Variants in ZNF512B observed in about 807,000 individuals in gnomAD.
ZNF512B encodes the protein zinc finger protein 512B.
In ZNF512B, 22 loss-of-function variants were observed where a neutral mutation model predicts 87.8. The ratio of observed to expected loss-of-function variants is 0.25; its 90% CI spans 0.18 to 0.36. The LOEUF is 0.36. Ranked by LOEUF, ZNF512B falls within the 10% of genes least tolerant of loss-of-function variation. The pLI is 1.00. For missense variants in ZNF512B, 1,060 were observed against 1,231.6 expected (o/e 0.86, Z 2.09); for synonymous variants, 524 against 490.9 (o/e 1.07, Z -0.89).
rs934800401 is a variant in ZNF512B at position 63,957,739 on chromosome 20, A to G, written c.*2149T>C. The G allele has an allele frequency of 2.0e-5, 3 of 152,188 alleles. No homozygotes were observed. Among genetic ancestry groups the G allele is most frequent in the African/African-American group, 7.3e-5 (3 of 41,340 alleles). The allele number at this position is 152,188 out of a possible 1,614,324, so 9.4% of individuals were successfully genotyped here. On this transcript the variant is annotated 3_prime_UTR_variant, in exon 17 of 17. Transcript: ENST00000369888. Reference sequence around the variant, plus strand: ...CCTGAGAGGCTGGGGCAGGCACCACACCCTGCAGGTGTTCAGGTCCACCCT... The same window carrying G: ...CCTGAGAGGCTGGGGCAGGCACCACGCCCTGCAGGTGTTCAGGTCCACCCT...
At position 63,961,476 on chromosome 20, in the gene ZNF512B, T is replaced by C. The variant is rs1048988591; in HGVS notation, c.2329-69A>G. 1 of 1,450,770 alleles carries C rather than the reference T, an allele frequency of 6.9e-7. No individual in the cohort carries two copies. The highest frequency in any genetic ancestry group is 9.6e-7 in the Non-Finnish European group (1 of 1,043,544). The allele number at this position is 1,450,770 out of a possible 1,614,324, so 89.9% of individuals were successfully genotyped here. On this transcript the variant is annotated intron_variant, in intron 15 of 16. Transcript: ENST00000369888. This position sits in a 1 kb window ranked among gnomAD's most constrained non-coding sequence, Gnocchi z 6.4. ...CAGATCTGTCCTAAGCCCCTACTCA[T>C]GGCTAAAGGGTCAGAGTCAGCGGTG...
rs1311817957 is a variant in ZNF512B, at chr20:63,964,178, G to T, written c.1373C>A (p.Ser458Tyr). The change falls in exon 8 of 17, where the codon TCC (serine) becomes TAC (tyrosine). Residue 458 changes from serine (S) to tyrosine (Y), a missense_variant. Physicochemically the swap from Ser to Tyr is moderately radical, Grantham distance 144. Transcript: ENST00000369888. ...AGGGCCTGGCCCCTCCTGCTTCTTG[G>T]AGCGGTGAACTCGGGCCTTGTCCTC... is the stretch of plus-strand genomic sequence containing the variant. ...KAEDKARVHRSKKQEGPGPED... is the reference protein window; with the variant it reads ...KAEDKARVHRYKKQEGPGPED... 4.4e-6 allele frequency: 7 copies of T among 1,599,140 alleles called. No individual in the cohort carries two copies. Among genetic ancestry groups the T allele is most frequent in the Non-Finnish European group, 5.1e-6 (6 of 1,173,588 alleles).
At chr20:63,963,569 G>C (rs1182827782) in intron 10 of ZNF512B, 49 bp downstream of exon 10, 1 of 1,606,026 alleles carries the variant, frequency 6.2e-7, no homozygotes, top group Non-Finnish European at 8.5e-7. Flanking sequence ...TGAAGGTGGG[G>C]TGCGAGGTCA....
chr20:63,967,141 G>T, intron 3 of ZNF512B, 137 bp from the exon 4 acceptor site: 1 of 1,389,134 alleles, frequency 7.2e-7, no homozygotes, highest in East Asian at 2.4e-5. Flanking sequence ...ACTGCAGTGG[G>T]AATTCAAGCC....
At chr20:63,968,906 T>C (rs2058953788) in intron 1 of ZNF512B, among the ~76,000 whole-genome samples, 1 of 152,238 alleles carries the variant, frequency 6.6e-6, no homozygotes, top group South Asian at 2.1e-4. Context: ...GGCCCAGCCC[T>C]GTGGAAAAGC....
chr20:63,963,885 G>C lies in ZNF512B; in HGVS notation c.1509C>G (p.Ala503=), dbSNP rs755878622. The change falls in exon 9 of 17, where the codon GCC becomes GCG. Residue 503 remains alanine, a synonymous_variant. Coordinates refer to ENST00000369888, the MANE Select transcript of ZNF512B (RefSeq NM_020713.3). ...PGGPEEQWQR[A]IHERGEAVCP... ...AGACGGCTTCCCCGCGCTCATGGAT[G>C]GCCCTCTGCCACTGCTCTTCAGGGC... 1 of 1,611,704 alleles carries C rather than the reference G, an allele frequency of 6.2e-7. No individual in the cohort carries two copies. The highest frequency in any genetic ancestry group is 1.3e-5 in the African/African-American group (1 of 74,952).
Position 63,963,788 on chromosome 20 carries a change from C to T in ZNF512B, c.1605+1G>A, listed in dbSNP as rs2058886673. 6.2e-7 allele frequency: 1 copy of T among 1,612,870 alleles called. No homozygotes were observed. The highest frequency in any genetic ancestry group is 1.3e-5 in the African/African-American group (1 of 74,942). On this transcript the variant is annotated splice_donor_variant, in intron 9 of 16. Coordinates refer to ENST00000369888, the MANE Select transcript of ZNF512B (RefSeq NM_020713.3). LOFTEE classifies it high-confidence loss of function. ...CCAGCGCCTTCCGGGAGCTGCCTTA[C>T]CTTCTGACACACCTCCATGTGCTTC...
At position 63,958,455 on chromosome 20, in the gene ZNF512B, C is replaced by CA; in HGVS notation, c.*1432dup. The CA allele has an allele frequency of 6.6e-6, 1 of 152,554 alleles. No individual in the cohort carries two copies. Among genetic ancestry groups the CA allele is most frequent in the Middle Eastern group, 3.4e-3 (1 of 294 alleles). 9.5% of individuals were successfully genotyped at this position (152,554 alleles called of 1,614,324 possible). A position where few individuals can be genotyped will look rare whatever the true frequency, so the allele number is the denominator to read the frequency against. ...ACTGGCATCCACTACACCCAGGAGA[C>CA]ACACGCACACGGGCAAACATCAAAA... is the stretch of plus-strand genomic sequence containing the variant. On this transcript the variant is annotated 3_prime_UTR_variant, in exon 17 of 17. Transcript: ENST00000369888.
chr20:63,962,769 G>A lies in ZNF512B; in HGVS notation c.1981C>T (p.Pro661Ser), dbSNP rs1569195072. ...TCAGCCTCAGGGGACTTGTCTGTGG[G>A]CTCCTCAGGGGGCTGGAGGGCAGGA... ...SEHTAPPPEE[P>S]TDKSPEAEDP... The change falls in exon 13 of 17, where the codon CCC becomes TCC. Residue 661 changes from proline to serine, a missense_variant. This residue lies in a region of ZNF512B where 165 missense variants were observed against 173.0 expected (regional missense o/e 0.95). Transcript: ENST00000369888. 2 of 1,599,788 alleles carry A rather than the reference G, an allele frequency of 1.3e-6. No homozygotes were observed. Among genetic ancestry groups the A allele is most frequent in the Middle Eastern group, 1.8e-4 (1 of 5,446 alleles).
At position 63,969,893 on chromosome 20, in the gene ZNF512B, C is replaced by G. The variant is rs1427235960; in HGVS notation, c.-82G>C. On this transcript the variant is annotated 5_prime_UTR_variant, in exon 1 of 17. Coordinates refer to ENST00000369888, the MANE Select transcript of ZNF512B (RefSeq NM_020713.3). ...CGGGGCGCGGGGCGCTGGGTCCGGG[C>G]GGCGCAGGCTGCGCGCCGCGCTGCG... 1.4e-5 allele frequency: 2 copies of G among 145,788 alleles called. No individual in the cohort carries two copies. Among genetic ancestry groups the G allele is most frequent in the Admixed American group, 6.8e-5 (1 of 14,732 alleles). 9.0% of individuals were successfully genotyped at this position (145,788 alleles called of 1,614,324 possible). A position where few individuals can be genotyped will look rare whatever the true frequency, so the allele number is the denominator to read the frequency against.
Position 63,959,773 on chromosome 20 carries a change from T to C in ZNF512B, c.*115A>G. 7.2e-7 allele frequency: 1 copy of C among 1,383,648 alleles called. No individual in the cohort carries two copies. The highest frequency in any genetic ancestry group is 9.4e-7 in the Non-Finnish European group (1 of 1,062,164). The allele number at this position is 1,383,648 out of a possible 1,614,324, so 85.7% of individuals were successfully genotyped here. A position where few individuals can be genotyped will look rare whatever the true frequency, so the allele number is the denominator to read the frequency against. On this transcript the variant is annotated 3_prime_UTR_variant, in exon 17 of 17. Transcript: ENST00000369888. ...GTGGCTGGCTGCCCCACTGGACGGATGAAGAGGCGGGGGTGGGGGATGGAG... is the reference window on the plus strand; with the variant it reads ...GTGGCTGGCTGCCCCACTGGACGGACGAAGAGGCGGGGGTGGGGGATGGAG...
chr20:63,967,127 C>A, intron 3 of ZNF512B, 123 bp from the exon 4 acceptor site: 1 of 1,460,110 alleles, frequency 6.8e-7, no homozygotes, highest in South Asian at 1.3e-5. Context: ...CCCTCAACCT[C>A]GGGACTGCAG....
In ZNF512B at chr20:63,967,860, G is replaced by A; in HGVS notation, c.91C>T (p.Leu31Phe). Residue 31 changes from leucine to phenylalanine, a missense_variant, in exon 2 of 17, where the codon CTT (leucine) becomes TTT (phenylalanine). Coordinates refer to ENST00000369888, the MANE Select transcript of ZNF512B (RefSeq NM_020713.3). ...GKDGSRKEVR[L>F]PMLHDPPKMG... Reference sequence around the variant, plus strand: ...TTCGGTGGGTCATGCAGCATTGGAAGTCGGACCTCCTTTCGGCTGCCATCC... The same window carrying A: ...TTCGGTGGGTCATGCAGCATTGGAAATCGGACCTCCTTTCGGCTGCCATCC... 6.2e-7 allele frequency: 1 copy of A among 1,613,406 alleles called. No homozygotes were observed. The highest frequency in any genetic ancestry group is 1.7e-5 in the Admixed American group (1 of 60,012).
rs2058943915 is a variant in ZNF512B at position 63,967,878 on chromosome 20, T to G, written c.73A>C (p.Ser25Arg). 3 of 1,613,340 alleles carry G rather than the reference T, an allele frequency of 1.9e-6. No homozygotes were observed. The highest frequency in any genetic ancestry group is 1.7e-6 in the Non-Finnish European group (2 of 1,179,858). ...SSKSGPGKDGSRKEVRLPMLH... is the reference protein window; with the variant it reads ...SSKSGPGKDGRRKEVRLPMLH... ...ATTGGAAGTCGGACCTCCTTTCGGC[T>G]GCCATCCTTCCCGGGACCACTCTTG... is the stretch of plus-strand genomic sequence containing the variant. Residue 25 changes from serine (S) to arginine (R), a missense_variant, in exon 2 of 17, where the codon AGC (serine) becomes CGC (arginine). This residue lies in a region of ZNF512B where 134 missense variants were observed against 153.6 expected (regional missense o/e 0.87). Coordinates refer to ENST00000369888, the MANE Select transcript of ZNF512B (RefSeq NM_020713.3).
In ZNF512B at chr20:63,966,195, G is replaced by C. The variant is rs1447535996; in HGVS notation, c.980C>G (p.Thr327Ser). 26 of 1,613,846 alleles carry C rather than the reference G, an allele frequency of 1.6e-5. No homozygotes were observed. The highest frequency in any genetic ancestry group is 2.2e-5 in the Non-Finnish European group (26 of 1,180,036). The change falls in exon 5 of 17, where the codon ACC (threonine) becomes AGC (serine). Residue 327 changes from threonine (T) to serine (S), a missense_variant. Physicochemically the swap from Thr to Ser is moderately conservative, Grantham distance 58. This residue lies in a region of ZNF512B where 201 missense variants were observed against 226.8 expected (regional missense o/e 0.89). Transcript: ENST00000369888. ...ACGAGGTGCTTTGTTCTCCGACCTG[G>C]TCAGCAGCACCATTTTGCAGGGCGG... ...HTPPCKMVLL[T>S]RSENKAPRAT...
In ZNF512B at chr20:63,960,080, C is replaced by G. The variant is rs1334652944; in HGVS notation, c.2487G>C (p.Val829=). ...GATTTTTCTTCTTTTCCTTCTTGGG[C>G]ACCAATGAGTCCTGGCTCCTGTGTT... ...PPKHRSQDSL[V]PKKEKKKNLA... The change falls in exon 17 of 17, where the codon GTG becomes GTC. Residue 829 remains valine, a synonymous_variant. Coordinates refer to ENST00000369888, the MANE Select transcript of ZNF512B (RefSeq NM_020713.3). The G allele has an allele frequency of 6.2e-7, 1 of 1,613,880 alleles. No individual in the cohort carries two copies. Among genetic ancestry groups the G allele is most frequent in the Admixed American group, 1.7e-5 (1 of 60,012 alleles).
rs2058769144 is a variant in ZNF512B at position 63,957,632 on chromosome 20, T to C, written c.*2256A>G. The C allele has an allele frequency of 6.6e-6, 1 of 152,640 alleles. No homozygotes were observed. The highest frequency in any genetic ancestry group is 2.1e-4 in the South Asian group (1 of 4,838). 9.5% of individuals were successfully genotyped at this position (152,640 alleles called of 1,614,324 possible). Reference sequence around the variant, plus strand: ...GGACTCCTCTTCCCACACCAGGGATTATCTGTGGGCTTTGGGAGTGTCCCG... The same window carrying C: ...GGACTCCTCTTCCCACACCAGGGATCATCTGTGGGCTTTGGGAGTGTCCCG... On this transcript the variant is annotated 3_prime_UTR_variant, in exon 17 of 17. Transcript: ENST00000369888.
At position 63,961,749 on chromosome 20, in the gene ZNF512B, G is replaced by A. The variant is rs1245526901; in HGVS notation, c.2328+193C>T. On this transcript the variant is annotated intron_variant, in intron 15 of 16. Transcript: ENST00000369888. The surrounding 1 kb of genome is among the most constrained non-coding windows in gnomAD (Gnocchi z 6.4). ...CTAGGACTCGTTGTCTTGTGGCTGG[G>A]GTTGGGGCGAGGGAGGTGTCCTAGG... Among the ~76,000 whole-genome samples, 1 of 152,192 alleles carries A rather than the reference G, an allele frequency of 6.6e-6. No homozygotes were observed. Among genetic ancestry groups the A allele is most frequent in the Non-Finnish European group, 1.5e-5 (1 of 68,028 alleles).
At chr20:63,964,771 C>G (rs1406721567) in intron 5 of ZNF512B, 55 bp from the exon 6 acceptor site, 1 of 1,589,010 alleles carries the variant, frequency 6.3e-7, no homozygotes. Flanking sequence ...GGCCCCATTA[C>G]CCCCAGGCCG....
Sources: allele counts gnomAD v4.1 joint callset (sites outside exome capture counted in the v4.1 genomes callset), GRCh38; gene constraint gnomAD v4.1.1; regional missense constraint gnomAD v4.1.1; non-coding constraint Gnocchi (gnomAD v3.1); transcripts MANE v1.5; gene names NCBI Gene and HGNC (gene_info 2026-07-23, HGNC 2026-07-21).